Variants in MAGI2 observed in about 807,000 individuals in gnomAD.
MAGI2 encodes membrane-associated guanylate kinase, WW and PDZ domain-containing protein 2.
In MAGI2, 35 loss-of-function variants were observed where a neutral mutation model predicts 133.3. The ratio of observed to expected loss-of-function variants is 0.26; its 90% CI spans 0.20 to 0.35. The LOEUF is 0.35. MAGI2 is among the 10% of genes least tolerant of loss of function. The probability of loss-of-function intolerance (pLI) is 1.00; values close to 1 mark genes in which losing one functional copy is unlikely to be tolerated. For synonymous variants in MAGI2, 729 were observed against 710.6 expected (o/e 1.03, Z -0.41); for missense variants, 1,636 against 1,863.4 (o/e 0.88, Z 2.25).
chr7:78,190,939 A>G (rs1828148242), intron 12 of MAGI2, among the ~76,000 whole-genome samples: 1 of 152,234 alleles, frequency 6.6e-6, no homozygotes, highest in African/African-American at 2.4e-5. Flanking sequence ...TCAATTTTCA[A>G]AATTGCAAGT....
At chr7:78,218,809 C>T (rs1788517796) in intron 10 of MAGI2, among the ~76,000 whole-genome samples, 1 of 152,182 alleles carries the variant, frequency 6.6e-6, no homozygotes, top group Non-Finnish European at 1.5e-5. Flanking sequence ...CTTCACACAG[C>T]GTCAGTGGGG....
At chr7:78,886,506 C>A (rs1170756096) in intron 2 of MAGI2, among the ~76,000 whole-genome samples, 5 of 152,160 alleles carry the variant, frequency 3.3e-5, no homozygotes, top group Non-Finnish European at 7.3e-5. Flanking sequence ...TGTGCTGAGC[C>A]ATGTCTCCAC....
chr7:78,669,194 A>ATG (rs1814020409), intron 2 of MAGI2, among the ~76,000 whole-genome samples: 1 of 152,192 alleles, frequency 6.6e-6, no homozygotes, highest in African/African-American at 2.4e-5. Context: ...AAAGAAGAAA[A>ATG]GAGTGAAGAA....
chr7:79,283,419 C>T (rs1042413991), intron 1 of MAGI2, among the ~76,000 whole-genome samples: 1 of 152,068 alleles, frequency 6.6e-6, no homozygotes, highest in Non-Finnish European at 1.5e-5. Context: ...TTTGTAACTA[C>T]CTAACAACCA....
intron 1 of MAGI2, among the ~76,000 whole-genome samples, chr7:79,349,380 C>G (rs1164492282): frequency 1.3e-5 from 2 of 151,900 alleles, no homozygotes; most frequent in African/African-American, 4.8e-5. Context: ...TAACCCTGGA[C>G]AAGTATTCTA....
intron 3 of MAGI2, among the ~76,000 whole-genome samples, chr7:78,591,433 T>TG (rs1406816122): frequency 6.6e-6 from 1 of 152,184 alleles, no homozygotes; most frequent in Non-Finnish European, 1.5e-5. Flanking sequence ...GAGAAAGGGA[T>TG]GAATCCAAGC....
intron 1 of MAGI2, among the ~76,000 whole-genome samples, chr7:79,014,642 C>A (rs1808506540): frequency 1.3e-5 from 2 of 151,786 alleles, no homozygotes; most frequent in Admixed American, 1.3e-4. Context: ...TTTTTTAAAA[C>A]TAGAGATATA....
At position 78,019,293 on chromosome 7, in the gene MAGI2, G is replaced by T; in HGVS notation, c.*22C>A. 1.3e-6 allele frequency: 2 copies of T among 1,573,848 alleles called. No homozygotes were observed. The highest frequency in any genetic ancestry group is 4.7e-5 in the East Asian group (2 of 42,468). On this transcript the variant is annotated 3_prime_UTR_variant, in exon 22 of 22. Coordinates refer to ENST00000354212, the MANE Select transcript of MAGI2 (RefSeq NM_012301.4). ...AAGAACTGCCTGCGCCGGGGCGGGC[G>T]GGTTGGCCGTGGCCGCGCGGCTCAT...
intron 20 of MAGI2, among the ~76,000 whole-genome samples, chr7:78,093,775 C>T (rs1817457551): frequency 6.6e-6 from 1 of 152,152 alleles, no homozygotes. Context: ...ATTTAGATTT[C>T]CATTTCTACA....
intron 21 of MAGI2, among the ~76,000 whole-genome samples, chr7:78,021,696 C>T (rs1375048386): frequency 1.3e-5 from 2 of 152,172 alleles, no homozygotes; most frequent in Non-Finnish European, 2.9e-5. Flanking sequence ...TTCTTCCATA[C>T]ACTGATGTCC....
At position 78,844,811 on chromosome 7, in the gene MAGI2, A is replaced by C. The variant is rs142589237; in HGVS notation, c.418+162279T>G. Among the ~76,000 whole-genome samples the C allele has an allele frequency of 9.6e-4, 145 of 151,596 alleles. 4 individuals are homozygous for C. In the East Asian group the frequency reaches 0.026, roughly 27 times the overall value. ...AAAGAAGCAGATTTCATGGCATATG[A>C]ATTGTATCTCAATAAAAATAAACAA... On this transcript the variant is annotated intron_variant, in intron 2 of 21. Coordinates refer to ENST00000354212, the MANE Select transcript of MAGI2 (RefSeq NM_012301.4).
At chr7:78,440,807 G>A (rs1437181188) in intron 6 of MAGI2, among the ~76,000 whole-genome samples, 1 of 151,968 alleles carries the variant, frequency 6.6e-6, no homozygotes, top group Non-Finnish European at 1.5e-5. Flanking sequence ...ACAAAAATTA[G>A]CCAGGCGTGG....
intron 1 of MAGI2, among the ~76,000 whole-genome samples, chr7:79,388,590 AT>A (rs1386787735): frequency 6.6e-6 from 1 of 151,612 alleles, no homozygotes; most frequent in East Asian, 1.9e-4. Flanking sequence ...AATTATTTTT[AT>A]TTTTATTTTA....
At chr7:78,077,826 T>A (rs963270337) in intron 21 of MAGI2, among the ~76,000 whole-genome samples, 1 of 144,014 alleles carries the variant, frequency 6.9e-6, no homozygotes, top group Non-Finnish European at 1.5e-5. Context: ...GCCTCCTGGG[T>A]TCAAGCGATT....
chr7:78,018,057 G>C lies in MAGI2; in HGVS notation c.*1258C>G, dbSNP rs1286650179. On this transcript the variant is annotated 3_prime_UTR_variant, in exon 22 of 22. Transcript: ENST00000354212. ...AATGCTAAAACAGCAGGGAAGAAAG[G>C]CAAGACTTAGAATTTTACTAGGAGG... 2 of 152,176 alleles carry C rather than the reference G, an allele frequency of 1.3e-5. No individual in the cohort carries two copies. Among genetic ancestry groups the C allele is most frequent in the African/African-American group, 4.8e-5 (2 of 41,436 alleles). 9.4% of individuals were successfully genotyped at this position (152,176 alleles called of 1,614,324 possible).
intron 14 of MAGI2, among the ~76,000 whole-genome samples, chr7:78,176,904 T>C (rs1200116381): frequency 1.6e-5 from 1 of 63,830 alleles, no homozygotes; most frequent in Admixed American, 1.6e-4. Flanking sequence ...AAAAACCATA[T>C]ATAGACACAC....
At chr7:78,521,386 A>T in intron 4 of MAGI2, 44 bp downstream of exon 4, 1 of 1,452,134 alleles carries the variant, frequency 6.9e-7, no homozygotes, top group East Asian at 2.3e-5. Context: ...TCTTAGATCT[A>T]AAACAGTAAA....
intron 2 of MAGI2, among the ~76,000 whole-genome samples, chr7:78,747,080 C>T (rs1459931967): frequency 6.6e-6 from 1 of 152,144 alleles, no homozygotes; most frequent in African/African-American, 2.4e-5. Context: ...CCAGCCAGGT[C>T]AGCGCCAGGT....
Position 78,057,977 on chromosome 7 carries a change from G to GTATATATATATATATA in MAGI2, c.3706+20954_3706+20969dup, listed in dbSNP as rs58788674. Among the ~76,000 whole-genome samples the GTATATATATATATATA allele has an allele frequency of 9.7e-4, 103 of 106,562 alleles. 4 individuals carry two copies. The highest frequency in any genetic ancestry group is 1.7e-3 in the African/African-American group (51 of 29,740). The allele number at this position is 106,562 out of a possible 152,430, so 69.9% of individuals were successfully genotyped here. On this transcript the variant is annotated intron_variant, in intron 21 of 21. Transcript: ENST00000354212. ...CCCCTCTGGCATTTTATATATATGT[G>GTATATATATATATATA]TATATATATATATATATATATATAT...
Sources: gnomAD v4.1 joint callset for allele counts (sites outside exome capture counted in the v4.1 genomes callset) on GRCh38, gnomAD v4.1.1 for gene constraint, MANE v1.5 for transcripts, NCBI Gene and HGNC (gene_info 2026-07-23, HGNC 2026-07-21) for gene names.